FAAH2: variants seen among roughly 807,000 people sequenced by gnomAD.
The protein encoded by FAAH2 is fatty acid amide hydrolase 2, also known as fatty-acid amide hydrolase 2.
In FAAH2, 60 loss-of-function variants were observed where a neutral mutation model predicts 36.9. That is an observed-to-expected ratio of 1.63 (90% CI 1.32 to 2.02). The LOEUF is 2.02. FAAH2 is among the 30% of genes most tolerant of loss of function. The probability of loss-of-function intolerance (pLI) is 0.00; values close to 1 mark genes in which losing one functional copy is unlikely to be tolerated. For synonymous variants in FAAH2, 214 were observed against 143.8 expected (o/e 1.49, Z -3.49); for missense variants, 689 against 397.5 (o/e 1.73, Z -6.23).
chrX:57,175,302 A>G, the FAAH2 span, among the ~76,000 whole-genome samples: 2 of 110,833 alleles, frequency 1.8e-5, no homozygotes, highest in Non-Finnish European at 3.8e-5. Context: ...TCTTGTTGGA[A>G]TTTTCCTTTT....
intron 10 of FAAH2, among the ~76,000 whole-genome samples, chrX:57,476,529 A>G (rs1371693585): frequency 2.7e-5 from 3 of 111,337 alleles, no homozygotes; most frequent in Non-Finnish European, 3.8e-5. Context: ...CATCCCAGGG[A>G]TGAAGCCGAC....
the FAAH2 span, among the ~76,000 whole-genome samples, chrX:57,245,580 C>T: frequency 1.6e-4 from 18 of 112,026 alleles, no homozygotes; most frequent in African/African-American, 5.5e-4. Flanking sequence ...GAAACTCACT[C>T]GAAACCCCAC....
chrX:57,279,225 G>A, the FAAH2 span, among the ~76,000 whole-genome samples: 1 of 112,550 alleles, frequency 8.9e-6, no homozygotes, highest in Non-Finnish European at 1.9e-5. Flanking sequence ...ATGATAGACT[G>A]GATTAAGAAA....
At chrX:57,134,907 C>T in the FAAH2 span, 3 of 111,932 alleles carry the variant, frequency 2.7e-5, no homozygotes, top group Non-Finnish European at 5.6e-5. Context: ...ATTAACTTGA[C>T]TGAGTCATTC....
chrX:57,432,988 T>C (rs1023558442), intron 8 of FAAH2, among the ~76,000 whole-genome samples: 12 of 108,858 alleles, frequency 1.1e-4, no homozygotes, highest in Admixed American at 6.8e-4. Flanking sequence ...AAAAAGTCAC[T>C]TTTAAAATTT....
intron 4 of FAAH2, 107 bp downstream of exon 4, chrX:57,331,914 G>A (rs2053419315): frequency 1.3e-6 from 1 of 794,732 alleles, no homozygotes; most frequent in Non-Finnish European, 1.8e-6. Flanking sequence ...TATAAGAATG[G>A]ATGCAAAAAC....
chrX:57,392,721 G>A, intron 7 of FAAH2: 1 of 610,146 alleles, frequency 1.6e-6, no homozygotes, highest in Non-Finnish European at 2.8e-6. Flanking sequence ...GGAGTCCATT[G>A]TGCTCATCGT....
chrX:57,330,415 CT>C (rs1026063932), intron 3 of FAAH2, among the ~76,000 whole-genome samples: 3 of 111,682 alleles, frequency 2.7e-5, no homozygotes, highest in African/African-American at 9.8e-5. Context: ...TTTGTTCAGA[CT>C]GGTTGCTCTC....
At chrX:57,419,396 T>C (rs1254387256) in intron 7 of FAAH2, among the ~76,000 whole-genome samples, 1 of 111,774 alleles carries the variant, frequency 8.9e-6, no homozygotes, top group Non-Finnish European at 1.9e-5. Context: ...CCTGGCTTTT[T>C]AATGATTGCC....
At chrX:57,330,574 A>G (rs1235956127) in intron 3 of FAAH2, among the ~76,000 whole-genome samples, 2 of 110,697 alleles carry the variant, frequency 1.8e-5, no homozygotes, top group Non-Finnish European at 3.8e-5. Flanking sequence ...GAAGTAGGTG[A>G]TCTTTGTGAC....
At chrX:57,253,249 C>T in the FAAH2 span, among the ~76,000 whole-genome samples, 6 of 109,732 alleles carry the variant, frequency 5.5e-5, no homozygotes, top group African/African-American at 2.0e-4. Context: ...AAAAAAGCCT[C>T]CAAGAAAAAT....
chrX:57,393,164 G>A, intron 7 of FAAH2: 1 of 1,141,938 alleles, frequency 8.8e-7, no homozygotes, highest in Non-Finnish European at 1.2e-6. Context: ...CTCTGTATCT[G>A]TCTTGAATGC....
intron 10 of FAAH2, among the ~76,000 whole-genome samples, chrX:57,471,880 G>T (rs905409543): frequency 1.2e-4 from 13 of 111,486 alleles, no homozygotes; most frequent in African/African-American, 3.6e-4. Context: ...GCATGGTGCT[G>T]GTACCAAAAC....
chrX:57,162,793 G>A, the FAAH2 span, among the ~76,000 whole-genome samples: 1 of 111,906 alleles, frequency 8.9e-6, no homozygotes, highest in Admixed American at 9.5e-5. Flanking sequence ...CAACTACTTT[G>A]CATTTGGTTT....
At chrX:57,374,505 C>A (rs753460281) in intron 5 of FAAH2, among the ~76,000 whole-genome samples, 6 of 111,692 alleles carry the variant, frequency 5.4e-5, no homozygotes, top group African/African-American at 1.9e-4. Flanking sequence ...TGATTTGATT[C>A]TCAGCTTGGT....
chrX:57,304,279 A>G (rs2052459707), intron 2 of FAAH2, among the ~76,000 whole-genome samples: 2 of 112,395 alleles, frequency 1.8e-5, no homozygotes, highest in Non-Finnish European at 3.8e-5. Context: ...GGCTGTTTCC[A>G]CTGCAAAGAA....
the FAAH2 span, among the ~76,000 whole-genome samples, chrX:57,195,668 G>C: frequency 8.9e-6 from 1 of 112,051 alleles, no homozygotes; most frequent in Non-Finnish European, 1.9e-5. Context: ...TGATCATAAA[G>C]TCTTTGCCTA....
the FAAH2 span, among the ~76,000 whole-genome samples, chrX:57,176,134 G>T: frequency 4.5e-5 from 5 of 111,733 alleles, no homozygotes; most frequent in South Asian, 1.1e-3. Context: ...GCAAGACCAA[G>T]AAATTTTCCC....
intron 10 of FAAH2, among the ~76,000 whole-genome samples, chrX:57,467,791 G>C (rs1438198932): frequency 1.8e-5 from 2 of 111,830 alleles, no homozygotes; most frequent in African/African-American, 6.5e-5. Flanking sequence ...AAAACGGACA[G>C]ACTGCCTCCT....
Sources: gnomAD v4.1 joint callset for allele counts (sites outside exome capture counted in the v4.1 genomes callset) on GRCh38, gnomAD v4.1.1 for gene constraint, MANE v1.5 for transcripts, NCBI Gene and HGNC (gene_info 2026-07-23, HGNC 2026-07-21) for gene names.